GPC6: variants seen among roughly 807,000 people sequenced by gnomAD.
GPC6 encodes glypican-6.
A neutral mutation model predicts 55.2 loss-of-function variants in GPC6; 14 were observed. That is an observed-to-expected ratio of 0.25 (90% CI 0.17 to 0.40). The LOEUF is 0.40. Among genes scored for constraint, GPC6 ranks in the 10% least tolerant of loss-of-function variants. The pLI, the probability that GPC6 is intolerant of heterozygous loss-of-function variation, is 1.00. For missense variants in GPC6, 641 were observed against 708.5 expected, an observed-to-expected ratio of 0.90 and a Z score of 1.08; for synonymous variants, 278 against 259.6, an observed-to-expected ratio of 1.07 and a Z score of -0.68.
intron 2 of GPC6, among the ~76,000 whole-genome samples, chr13:93,615,429 A>C (rs1451574527): frequency 6.6e-6 from 1 of 152,092 alleles, no homozygotes; most frequent in Non-Finnish European, 1.5e-5. Context: ...TTACATTTTT[A>C]ATAGATATTC....
At chr13:93,567,342 G>A (rs1291563852) in intron 2 of GPC6, among the ~76,000 whole-genome samples, 4 of 152,172 alleles carry the variant, frequency 2.6e-5, no homozygotes, top group African/African-American at 7.2e-5. Context: ...CATGAGAATA[G>A]CAATTTACTA....
chr13:94,266,480 T>A (rs1347493937), intron 4 of GPC6, among the ~76,000 whole-genome samples: 2 of 152,182 alleles, frequency 1.3e-5, no homozygotes, highest in Non-Finnish European at 2.9e-5. Context: ...CTCCCTGTTT[T>A]TTCTTACTGC....
intron 4 of GPC6, among the ~76,000 whole-genome samples, chr13:94,222,560 C>T (rs1890417052): frequency 6.6e-6 from 1 of 151,958 alleles, no homozygotes; most frequent in African/African-American, 2.4e-5. Context: ...TAGGATGATC[C>T]TTAGTATTGG....
At chr13:93,925,278 A>T (rs12865762) in intron 3 of GPC6, among the ~76,000 whole-genome samples, 15 of 151,520 alleles carry the variant, frequency 9.9e-5, no homozygotes, top group South Asian at 2.1e-4. Flanking sequence ...AGTCTTTTCT[A>T]TTTTTTTTTA....
intron 1 of GPC6, among the ~76,000 whole-genome samples, chr13:93,513,654 A>T (rs1409316995): frequency 1.3e-4 from 20 of 152,204 alleles, no homozygotes. Context: ...GCCCTTTTGC[A>T]GTCTCTTGGT....
At chr13:93,978,094 A>ATGGTGT (rs886675780) in intron 3 of GPC6, among the ~76,000 whole-genome samples, 2 of 152,202 alleles carry the variant, frequency 1.3e-5, no homozygotes, top group African/African-American at 4.8e-5. Flanking sequence ...AGAAGGTCAG[A>ATGGTGT]TGGTGTTATG....
intron 2 of GPC6, among the ~76,000 whole-genome samples, chr13:93,548,475 G>T (rs1039668645): frequency 1.3e-5 from 2 of 152,172 alleles, no homozygotes; most frequent in African/African-American, 4.8e-5. Context: ...TACTGTATGA[G>T]AAATGCTTTG....
At chr13:93,679,628 G>T (rs1294093895) in intron 2 of GPC6, among the ~76,000 whole-genome samples, 1 of 152,074 alleles carries the variant, frequency 6.6e-6, no homozygotes, top group African/African-American at 2.4e-5. Context: ...CAGCCATCAT[G>T]ATTTCATCAC....
chr13:94,030,558 T>C (rs1377919667), intron 4 of GPC6, among the ~76,000 whole-genome samples: 1 of 152,186 alleles, frequency 6.6e-6, no homozygotes, highest in Non-Finnish European at 1.5e-5. Flanking sequence ...TGTTCATAAA[T>C]GCGGCAGCAA....
intron 2 of GPC6, among the ~76,000 whole-genome samples, chr13:93,796,427 A>G (rs1698458126): frequency 6.6e-6 from 1 of 152,200 alleles, no homozygotes; most frequent in Non-Finnish European, 1.5e-5. Flanking sequence ...TTGACCTAGC[A>G]ATCACAGTAC....
intron 3 of GPC6, among the ~76,000 whole-genome samples, chr13:93,946,279 G>T (rs1461334128): frequency 1.3e-5 from 2 of 152,142 alleles, no homozygotes; most frequent in African/African-American, 4.8e-5. Context: ...TAATTAGGAA[G>T]TCATAAGTTT....
chr13:93,401,404 C>G (rs1176056069), intron 1 of GPC6, among the ~76,000 whole-genome samples: 1 of 151,862 alleles, frequency 6.6e-6, no homozygotes, highest in African/African-American at 2.4e-5. Context: ...ATATGTTATC[C>G]AAAGTATAAT....
intron 4 of GPC6, among the ~76,000 whole-genome samples, chr13:94,271,101 C>T (rs1196032848): frequency 1.3e-5 from 2 of 150,378 alleles, no homozygotes; most frequent in South Asian, 2.1e-4. Context: ...TGCCATTCTC[C>T]TGCCTCAGCC....
intron 1 of GPC6, among the ~76,000 whole-genome samples, chr13:93,535,110 T>C (rs913976179): frequency 1.3e-5 from 2 of 152,202 alleles, no homozygotes; most frequent in Non-Finnish European, 2.9e-5. Context: ...GATTTTATTA[T>C]TAGTGGTCCT....
At chr13:93,435,551 C>T (rs1171946575) in intron 1 of GPC6, among the ~76,000 whole-genome samples, 1 of 151,864 alleles carries the variant, frequency 6.6e-6, no homozygotes, top group African/African-American at 2.4e-5. Flanking sequence ...CCCCAAATAG[C>T]AGAGAAATTT....
At chr13:93,986,464 A>T (rs1881035718) in intron 3 of GPC6, among the ~76,000 whole-genome samples, 1 of 152,212 alleles carries the variant, frequency 6.6e-6, no homozygotes, top group Non-Finnish European at 1.5e-5. Context: ...TGCAGAAGAT[A>T]AGAAATAAAG....
chr13:93,341,223 T>C (rs1400200904), intron 1 of GPC6, among the ~76,000 whole-genome samples: 1 of 152,240 alleles, frequency 6.6e-6, no homozygotes, highest in Admixed American at 6.5e-5. Context: ...TATGTGTGCA[T>C]GTGTCTTTTT....
At chr13:93,342,142 C>T (rs1037619964) in intron 1 of GPC6, among the ~76,000 whole-genome samples, 5 of 151,800 alleles carry the variant, frequency 3.3e-5, no homozygotes, top group Non-Finnish European at 7.4e-5. Flanking sequence ...GTGCTGAATA[C>T]TTTTGTTATA....
At chr13:93,278,724 G>T (rs1388025607) in intron 1 of GPC6, among the ~76,000 whole-genome samples, 2 of 152,180 alleles carry the variant, frequency 1.3e-5, no homozygotes, top group African/African-American at 4.8e-5. Context: ...TTGTAAAGCA[G>T]TGGGTATATT....
Sources: allele counts gnomAD v4.1 joint callset (sites outside exome capture counted in the v4.1 genomes callset), GRCh38; gene constraint gnomAD v4.1.1; transcripts MANE v1.5; gene names NCBI Gene and HGNC (gene_info 2026-07-23, HGNC 2026-07-21).